Variants in CHN1 observed in about 807,000 individuals in gnomAD.
The protein encoded by CHN1 is N-chimaerin.
In CHN1, 37 loss-of-function variants were observed where a neutral mutation model predicts 59.5. That is an observed-to-expected ratio of 0.62 (90% CI 0.48 to 0.82). The LOEUF (loss-of-function observed/expected upper bound fraction) is 0.82. Among genes scored for constraint, CHN1 ranks in the 40% least tolerant of loss-of-function variants. The pLI is 0.00. For missense variants in CHN1, 469 were observed against 571.0 expected (o/e 0.82, Z 1.82); for synonymous variants, 206 against 200.4 (o/e 1.03, Z -0.24).
chr2:174,800,273 T>C lies in CHN1; in HGVS notation c.1223A>G (p.Glu408Gly). Residue 408 changes from glutamate to glycine, a missense_variant, in exon 13 of 13, where the codon GAA becomes GGA. This residue lies in a region of CHN1 where 225 missense variants were observed against 289.9 expected (regional missense o/e 0.78). Transcript: ENST00000409900. ...MAHLKRVTLH[E>G]KENLMNAENL... is the part of the protein sequence containing the mutation. ...CTCTGCATTCATAAGATTCTCCTTTTCGTGGAGGGTCACTCTGAAAAATGC... is the reference window on the plus strand; with the variant it reads ...CTCTGCATTCATAAGATTCTCCTTTCCGTGGAGGGTCACTCTGAAAAATGC... 2.8e-6 allele frequency: 4 copies of C among 1,436,550 alleles called. No homozygotes were observed. The highest frequency in any genetic ancestry group is 3.7e-6 in the Non-Finnish European group (4 of 1,093,082). 89.0% of individuals were successfully genotyped at this position (1,436,550 alleles called of 1,614,324 possible). A position where few individuals can be genotyped will look rare whatever the true frequency, so the allele number is the denominator to read the frequency against.
chr2:174,862,631 A>G (rs1031530735), intron 6 of CHN1, among the ~76,000 whole-genome samples: 4 of 152,138 alleles, frequency 2.6e-5, no homozygotes, highest in Non-Finnish European at 4.4e-5. Context: ...GCGCCTGGCC[A>G]TGATACTGTT....
intron 8 of CHN1, among the ~76,000 whole-genome samples, chr2:174,818,102 T>TC (rs1347315775): frequency 1.3e-5 from 2 of 152,194 alleles, no homozygotes; most frequent in Non-Finnish European, 2.9e-5. Flanking sequence ...ATCAGCAGGT[T>TC]CCTAAGCTTA....
chr2:174,869,733 T>C (rs1687344208), intron 6 of CHN1, among the ~76,000 whole-genome samples: 1 of 152,220 alleles, frequency 6.6e-6, no homozygotes, highest in African/African-American at 2.4e-5. Flanking sequence ...GTTTCCACAT[T>C]ATAAATAAAA....
chr2:174,871,279 C>T (rs1410299979), intron 6 of CHN1, among the ~76,000 whole-genome samples: 1 of 151,288 alleles, frequency 6.6e-6, no homozygotes, highest in Non-Finnish European at 1.5e-5. Flanking sequence ...ACCTCTGATG[C>T]TTTAACCATA....
intron 6 of CHN1, among the ~76,000 whole-genome samples, chr2:174,856,006 A>C (rs1484809547): frequency 6.6e-6 from 1 of 152,012 alleles, no homozygotes; most frequent in African/African-American, 2.4e-5. Context: ...CATTTGAATA[A>C]ATTTCTGGAG....
chr2:174,873,168 C>G (rs898575282), intron 6 of CHN1, among the ~76,000 whole-genome samples: 5 of 152,176 alleles, frequency 3.3e-5, no homozygotes, highest in African/African-American at 1.2e-4. Context: ...CTGGGCATAA[C>G]TGGCAATCTC....
chr2:174,930,417 T>G (rs1689304743), intron 3 of CHN1, among the ~76,000 whole-genome samples: 1 of 152,134 alleles, frequency 6.6e-6, no homozygotes, highest in Non-Finnish European at 1.5e-5. Flanking sequence ...TCAAAGCACT[T>G]TATTACGGCT....
intron 8 of CHN1, among the ~76,000 whole-genome samples, chr2:174,821,987 ACT>A (rs1376820741): frequency 6.6e-6 from 1 of 152,076 alleles, no homozygotes; most frequent in Non-Finnish European, 1.5e-5. Context: ...GCTAGTGTGC[ACT>A]CTCTCTTTAA....
rs187036008 is a variant in CHN1 at position 174,827,822 on chromosome 2, G to C, written c.628-3304C>G. Among the ~76,000 whole-genome samples, 366 of 152,280 alleles carry C rather than the reference G, an allele frequency of 2.4e-3. 1 individual carries two copies. The highest frequency in any genetic ancestry group is 8.4e-3 in the African/African-American group (350 of 41,566). Reference sequence around the variant, plus strand: ...AGAGGGAAAGAAACTGGTCTGTTAAGGGTTTAAGGTCTGGTGACTGGGGAA... The same window carrying C: ...AGAGGGAAAGAAACTGGTCTGTTAACGGTTTAAGGTCTGGTGACTGGGGAA... On this transcript the variant is annotated intron_variant, in intron 7 of 12. Coordinates refer to ENST00000409900, the MANE Select transcript of CHN1 (RefSeq NM_001822.7).
intron 7 of CHN1, among the ~76,000 whole-genome samples, chr2:174,838,708 A>G (rs1686181974): frequency 6.6e-6 from 1 of 152,112 alleles, no homozygotes; most frequent in Admixed American, 6.5e-5. Context: ...ATGAACATGT[A>G]AACTGAAATA....
At position 175,003,029 on chromosome 2, in the gene CHN1, T is replaced by G. The variant is rs571610979; in HGVS notation, c.19+1865A>C. ...GAATACAACAGTTCTCAAACTTGAG[T>G]GAGCATAAGAATCACAAAGGGAGTC... is the stretch of plus-strand genomic sequence containing the variant. On this transcript the variant is annotated intron_variant, in intron 1 of 12. Transcript: ENST00000409900. Among the ~76,000 whole-genome samples, 13 of 152,308 alleles carry G rather than the reference T, an allele frequency of 8.5e-5. No homozygotes were observed. The East Asian group carries it at 2.5e-3, about 29-fold the overall frequency.
chr2:174,861,448 G>A (rs1024063900), intron 6 of CHN1, among the ~76,000 whole-genome samples: 2 of 152,148 alleles, frequency 1.3e-5, no homozygotes, highest in Non-Finnish European at 2.9e-5. Context: ...TGGCACATTC[G>A]TAAGCCTCTC....
At chr2:175,002,666 AC>A (rs1489029879) in intron 1 of CHN1, among the ~76,000 whole-genome samples, 1 of 152,230 alleles carries the variant, frequency 6.6e-6, no homozygotes, top group Non-Finnish European at 1.5e-5. Flanking sequence ...CAACCAAGAT[AC>A]AAAAGATAGG....
chr2:174,896,475 G>A (rs112870082), intron 5 of CHN1, among the ~76,000 whole-genome samples: 5 of 152,210 alleles, frequency 3.3e-5, no homozygotes, highest in African/African-American at 4.8e-5. Flanking sequence ...GTGACATTTG[G>A]CTGGGATAGA....
At chr2:174,846,805 CAT>C (rs1686532293) in intron 7 of CHN1, 73 bp downstream of exon 7, 1 of 1,318,352 alleles carries the variant, frequency 7.6e-7, no homozygotes, top group African/African-American at 1.5e-5. Flanking sequence ...TTTAAAAAGA[CAT>C]AAGATATTCC....
At chr2:174,916,284 C>T (rs1489655238) in intron 4 of CHN1, among the ~76,000 whole-genome samples, 1 of 152,190 alleles carries the variant, frequency 6.6e-6, no homozygotes, top group Non-Finnish European at 1.5e-5. Context: ...TCAAATCTCA[C>T]TTTTTGGAGT....
At chr2:174,952,504 G>A (rs1007506817) in intron 1 of CHN1, among the ~76,000 whole-genome samples, 3 of 152,094 alleles carry the variant, frequency 2.0e-5, no homozygotes, top group Non-Finnish European at 4.4e-5. Flanking sequence ...AGTCAATAAA[G>A]GCTTTGTTTC....
intron 5 of CHN1, among the ~76,000 whole-genome samples, chr2:174,911,090 T>A (rs750940855): frequency 6.6e-6 from 1 of 152,140 alleles, no homozygotes; most frequent in Non-Finnish European, 1.5e-5. Context: ...CGAATGGGTC[T>A]AACAGCAGAT....
chr2:175,001,084 T>C (rs1691874559), intron 1 of CHN1, among the ~76,000 whole-genome samples: 1 of 152,194 alleles, frequency 6.6e-6, no homozygotes, highest in Admixed American at 6.5e-5. Context: ...CATGTCTGAC[T>C]AAAATATTAA....
Sources: gnomAD v4.1 joint callset for allele counts (sites outside exome capture counted in the v4.1 genomes callset) on GRCh38, gnomAD v4.1.1 for gene constraint, gnomAD v4.1.1 regional missense constraint, MANE v1.5 for transcripts, NCBI Gene and HGNC (gene_info 2026-07-23, HGNC 2026-07-21) for gene names.